SHPRH: variants seen among roughly 807,000 people sequenced by gnomAD.
SHPRH encodes the protein SNF2 histone linker PHD RING helicase.
Under a neutral mutation model 202.5 loss-of-function variants are expected in SHPRH, and 106 were observed. That is an observed-to-expected ratio of 0.52 (90% confidence interval 0.45 to 0.62). The LOEUF (loss-of-function observed/expected upper bound fraction) is 0.62, where lower values mean the gene tolerates loss of function less well. Among genes scored for constraint, SHPRH ranks in the 20% least tolerant of loss-of-function variants. The pLI, the probability that SHPRH is intolerant of heterozygous loss-of-function variation, is 0.00. For missense variants in SHPRH, 1,710 were observed against 2,020.0 expected (o/e 0.85, Z 2.94); for synonymous variants, 729 against 686.0 (o/e 1.06, Z -0.98).
At chr6:145,887,891 G>A (rs1041532162) in intron 29 of SHPRH, 129 bp downstream of exon 29, 24 of 667,834 alleles carry the variant, frequency 3.6e-5, no homozygotes, top group Middle Eastern at 2.6e-4. Context: ...AAGGCAAAAC[G>A]TCAGACTTTG....
chr6:145,860,484 G>T (rs1779544311), downstream of SHPRH, among the ~76,000 whole-genome samples: 1 of 151,918 alleles, frequency 6.6e-6, no homozygotes, highest in South Asian at 2.1e-4. Flanking sequence ...AAACATTGAT[G>T]AAATAAAATT....
Position 145,878,777 on chromosome 6 carries a change from A to G in SHPRH, c.221+9243T>C, listed in dbSNP as rs901581495. 5.1e-4 allele frequency among the ~76,000 whole-genome samples: 77 copies of G among 152,200 alleles called. 1 individual carries two copies. On this transcript the variant is annotated intron_variant, in intron 2 of 2. Coordinates refer to the SHPRH transcript ENST00000417762. ...GTTCCTTTCTACTTGAGATTCACTA[A>G]ATGTTAATACAGCCACTTTGTGGTT...
chr6:145,945,452 C>A lies in SHPRH; in HGVS notation c.1507G>T (p.Gly503Cys). 6.2e-7 allele frequency: 1 copy of A among 1,613,088 alleles called. No individual in the cohort carries two copies. Among genetic ancestry groups the A allele is most frequent in the African/African-American group, 1.3e-5 (1 of 74,950 alleles). Residue 503 changes from glycine to cysteine, a missense_variant, in exon 8 of 30, where the codon GGT becomes TGT. Physicochemically the swap from Gly to Cys is radical, Grantham distance 159 (BLOSUM62 -3). Coordinates refer to ENST00000275233, the MANE Select transcript of SHPRH (RefSeq NM_001042683.3). ...EGLVKQIKGH[G>C]FSGTFTLGKN... Reference sequence around the variant, plus strand: ...CCCAATGTAAAAGTCCCAGAAAAACCATGGCCTTTGATCTGTTTCACGAGA... The same window carrying A: ...CCCAATGTAAAAGTCCCAGAAAAACAATGGCCTTTGATCTGTTTCACGAGA...
At chr6:145,901,552 C>G (rs1782506946) in intron 25 of SHPRH, among the ~76,000 whole-genome samples, 1 of 152,088 alleles carries the variant, frequency 6.6e-6, no homozygotes. Flanking sequence ...GCTGTTAACA[C>G]AGTATGAACA....
rs1369968854 is a variant in SHPRH at position 145,933,174 on chromosome 6, T to G, written c.2995A>C (p.Met999Leu). 1 of 1,613,926 alleles carries G rather than the reference T, an allele frequency of 6.2e-7. No homozygotes were observed. Residue 999 changes from methionine to leucine, a missense_variant, in exon 14 of 30, where the codon ATG becomes CTG. By Grantham distance (15) the Met-to-Leu change is conservative. This residue lies in a region of SHPRH where 23 missense variants were observed against 36.7 expected (regional missense o/e 0.63). Transcript: ENST00000275233. ...GEFLPLQKST[M>L]TMEELLTSLQ... ...GATGTCAGCAGCTCTTCCATTGTCA[T>G]GGTGCTAAAAGAAAAGGTAGACTGT...
At chr6:145,877,211 C>T (rs1780344438) in intron 2 of SHPRH, among the ~76,000 whole-genome samples, 1 of 152,150 alleles carries the variant, frequency 6.6e-6, no homozygotes, top group South Asian at 2.1e-4. Context: ...GCTAGGTGTA[C>T]ATTTAACTAT....
At chr6:145,878,485 T>A (rs915600260) in intron 2 of SHPRH, among the ~76,000 whole-genome samples, 10 of 152,260 alleles carry the variant, frequency 6.6e-5, no homozygotes, top group African/African-American at 2.2e-4. Context: ...TATTTCGGTT[T>A]TGATATCTAC....
intron 25 of SHPRH, among the ~76,000 whole-genome samples, chr6:145,903,100 C>T (rs1782643003): frequency 6.6e-6 from 1 of 151,700 alleles, no homozygotes. Flanking sequence ...AAAAAATATA[C>T]AACTGCATTC....
chr6:145,912,850 GAT>G (rs372510861), intron 24 of SHPRH, among the ~76,000 whole-genome samples: 2 of 150,246 alleles, frequency 1.3e-5, no homozygotes, highest in Non-Finnish European at 1.5e-5. Context: ...TGAATAGTCT[GAT>G]ATATATATAT....
At position 145,935,331 on chromosome 6, in the gene SHPRH, T is replaced by C. The variant is rs757920444; in HGVS notation, c.2680A>G (p.Ser894Gly). 39 of 1,613,980 alleles carry C rather than the reference T, an allele frequency of 2.4e-5. No individual in the cohort carries two copies. The highest frequency in any genetic ancestry group is 3.1e-5 in the Non-Finnish European group (37 of 1,180,010). ...CTCCACAGTATCTTGGCAATAAAGC[T>C]GTAGAGATGCTGAGGATTCTTCTTG... ...YCKKNPQHLY[S>G]FIAKILWRSA... Residue 894 changes from serine (S) to glycine (G), a missense_variant, in exon 12 of 30, where the codon AGC (serine) becomes GGC (glycine). By Grantham distance (56) the Ser-to-Gly change is moderately conservative. This residue lies in a region of SHPRH where 277 missense variants were observed against 363.0 expected (regional missense o/e 0.76). Transcript: ENST00000275233.
At chr6:145,888,534 C>T (rs9485028) in intron 28 of SHPRH, among the ~76,000 whole-genome samples, 7,727 of 151,992 alleles carry the variant, frequency 0.051, 444 homozygotes, top group African/African-American at 0.13. Flanking sequence ...ATCCTGTAAG[C>T]GAGGGAGAGA....
At chr6:145,917,241 T>C (rs1784034216) in intron 23 of SHPRH, 1 of 152,176 alleles carries the variant, frequency 6.6e-6, no homozygotes, top group Admixed American at 6.6e-5. Context: ...ATGTATTAAT[T>C]CACACAATCC....
intron 25 of SHPRH, chr6:145,908,103 T>C (rs1184056821): frequency 1.3e-5 from 2 of 152,204 alleles, no homozygotes; most frequent in Non-Finnish European, 2.9e-5. Flanking sequence ...CTCATTCCTT[T>C]TTATGGATGC....
downstream of SHPRH, among the ~76,000 whole-genome samples, chr6:145,860,800 A>G (rs1017377643): frequency 2.0e-5 from 3 of 152,162 alleles, no homozygotes; most frequent in Admixed American, 1.3e-4. Context: ...AAAAACAGAT[A>G]TATGGGACAA....
chr6:145,959,494 A>G (rs1788865749), intron 1 of SHPRH, among the ~76,000 whole-genome samples: 1 of 129,054 alleles, frequency 7.7e-6, no homozygotes, highest in Non-Finnish European at 1.6e-5. Context: ...GGTACCACCT[A>G]GGTTTGTGTA....
intron 2 of SHPRH, among the ~76,000 whole-genome samples, chr6:145,875,535 G>A (rs1322310061): frequency 1.3e-5 from 2 of 152,162 alleles, no homozygotes; most frequent in Non-Finnish European, 1.5e-5. Flanking sequence ...TGTATTTCTA[G>A]AACAGGGAGA....
Position 145,946,293 on chromosome 6 carries a change from G to A in SHPRH, c.1261C>T (p.Leu421=), listed in dbSNP as rs756728351. The A allele has an allele frequency of 6.2e-7, 1 of 1,607,986 alleles. No homozygotes were observed. Among genetic ancestry groups the A allele is most frequent in the East Asian group, 2.2e-5 (1 of 44,482 alleles). ...FIPSHYFGGK[L]KKTEIQNIEF... Reference sequence around the variant, plus strand: ...ATATTCTGGATTTCTGTCTTTTTCAGTTTTCCTCCAAAATAATGTGACGGA... The same window carrying A: ...ATATTCTGGATTTCTGTCTTTTTCAATTTTCCTCCAAAATAATGTGACGGA... Residue 421 remains leucine, a synonymous_variant, in exon 7 of 30, where the codon CTG becomes TTG. Transcript: ENST00000275233.
intron 2 of SHPRH, among the ~76,000 whole-genome samples, chr6:145,879,625 T>C (rs1385034026): frequency 1.3e-5 from 2 of 152,076 alleles, no homozygotes; most frequent in Admixed American, 6.6e-5. Flanking sequence ...AAAAGGTGAC[T>C]AGCAGCCGGG....
Position 145,944,987 on chromosome 6 carries a change from G to A in SHPRH, c.1578+394C>T, listed in dbSNP as rs182023077. On this transcript the variant is annotated intron_variant, in intron 8 of 29. Coordinates refer to ENST00000275233, the MANE Select transcript of SHPRH (RefSeq NM_001042683.3). Reference sequence around the variant, plus strand: ...AAGGCAAGATGACAGCTTGGCACAGGAGTTCAAGGCTGCAGCTAGCTATGA... The same window carrying A: ...AAGGCAAGATGACAGCTTGGCACAGAAGTTCAAGGCTGCAGCTAGCTATGA... Among the ~76,000 whole-genome samples the A allele has an allele frequency of 6.8e-3, 1,031 of 152,186 alleles. 4 individuals are homozygous for A. Among genetic ancestry groups the A allele is most frequent in the Middle Eastern group, 0.017 (5 of 294 alleles).
Sources: allele counts gnomAD v4.1 joint callset (sites outside exome capture counted in the v4.1 genomes callset), GRCh38; gene constraint gnomAD v4.1.1; regional missense constraint gnomAD v4.1.1; transcripts MANE v1.5; gene names NCBI Gene and HGNC (gene_info 2026-07-23, HGNC 2026-07-21).